Variants in RBM47 observed in about 807,000 individuals in gnomAD.
RBM47 encodes the protein RNA binding motif protein 47.
In RBM47, 21 loss-of-function variants were observed where a neutral mutation model predicts 47.1. That is an observed-to-expected ratio of 0.45 (90% CI 0.32 to 0.64). The LOEUF is 0.64. Ranked by LOEUF, RBM47 falls within the 30% of genes least tolerant of loss-of-function variation. The pLI is 0.05. For missense variants in RBM47, 708 were observed against 870.9 expected (o/e 0.81, Z 2.35); for synonymous variants, 375 against 361.7 (o/e 1.04, Z -0.42).
chr4:40,436,932 C>G (rs1560356559), intron 4 of RBM47: 5 of 504,138 alleles, frequency 9.9e-6, no homozygotes, highest in East Asian at 5.0e-5. Context: ...CCACCACCCC[C>G]TCCCCCCCGC....
chr4:40,569,717 A>ATT, intron 1 of RBM47, among the ~76,000 whole-genome samples: 1 of 88,830 alleles, frequency 1.1e-5, no homozygotes, highest in East Asian at 3.2e-4. Context: ...CTCTATTCTC[A>ATT]TTTTTTTTTT....
chr4:40,488,315 G>C (rs892991127), intron 2 of RBM47, among the ~76,000 whole-genome samples: 2 of 120,640 alleles, frequency 1.7e-5, no homozygotes, highest in African/African-American at 6.3e-5. Flanking sequence ...AGGTGACAGA[G>C]CGAGACTCTG....
chr4:40,529,445 G>A (rs771294995), intron 2 of RBM47, among the ~76,000 whole-genome samples: 3 of 146,736 alleles, frequency 2.0e-5, no homozygotes, highest in Non-Finnish European at 3.0e-5. Context: ...GAACCTGGGA[G>A]GCAGAAGCTG....
At chr4:40,626,796 T>C (rs978128257) in intron 1 of RBM47, among the ~76,000 whole-genome samples, 13 of 152,046 alleles carry the variant, frequency 8.6e-5, no homozygotes, top group Non-Finnish European at 1.8e-4. Context: ...CTCAGGAGTT[T>C]TACCAACAGG....
At chr4:40,531,927 C>T (rs1290266806) in intron 2 of RBM47, among the ~76,000 whole-genome samples, 1 of 151,706 alleles carries the variant, frequency 6.6e-6, no homozygotes, top group Admixed American at 6.6e-5. Context: ...CTTCCAAAGA[C>T]AGGAGTTCTA....
chr4:40,530,592 G>A (rs368080461), intron 2 of RBM47, among the ~76,000 whole-genome samples: 46 of 152,286 alleles, frequency 3.0e-4, no homozygotes, highest in African/African-American at 9.1e-4. Flanking sequence ...GAAGCACCGC[G>A]TCCAGCCCTA....
At chr4:40,580,853 A>G (rs1732826347) in intron 1 of RBM47, among the ~76,000 whole-genome samples, 4 of 152,256 alleles carry the variant, frequency 2.6e-5, no homozygotes, top group Admixed American at 2.6e-4. Context: ...TGAGAGAGAG[A>G]AGGCCACTCT....
At chr4:40,605,539 AC>A (rs1735682494) in intron 1 of RBM47, among the ~76,000 whole-genome samples, 1 of 152,030 alleles carries the variant, frequency 6.6e-6, no homozygotes. Flanking sequence ...TTAGAAAAAT[AC>A]TGGTCTTCGG....
At chr4:40,570,393 A>C (rs2154268595) in intron 1 of RBM47, among the ~76,000 whole-genome samples, 2 of 151,898 alleles carry the variant, frequency 1.3e-5, no homozygotes, top group Admixed American at 1.3e-4. Flanking sequence ...TTCTCATATG[A>C]AGCCTGCAAC....
chr4:40,519,390 C>T (rs983638304), intron 2 of RBM47, among the ~76,000 whole-genome samples: 5 of 150,674 alleles, frequency 3.3e-5, no homozygotes, highest in Admixed American at 1.3e-4. Context: ...CTCTGCCTCC[C>T]GGGTTCAAGC....
intron 2 of RBM47, among the ~76,000 whole-genome samples, chr4:40,492,220 CAT>C (rs1721979685): frequency 1.3e-5 from 2 of 151,846 alleles, no homozygotes; most frequent in Non-Finnish European, 2.9e-5. Context: ...AATACAAAAA[CAT>C]AGCCAGGCCT....
chr4:40,605,170 C>A (rs536283830), intron 1 of RBM47, among the ~76,000 whole-genome samples: 1 of 150,298 alleles, frequency 6.7e-6, no homozygotes, highest in African/African-American at 2.4e-5. Flanking sequence ...TTACAGGCAC[C>A]CGCCACCGCG....
At position 40,564,984 on chromosome 4, in the gene RBM47, T is replaced by C. The variant is rs192600650; in HGVS notation, c.-239-20478A>G. ...TAGAAGGAGGGCTCTCTTGTGTGTGTCTTGAATAGGTCCGGAAGTGAACGT... is the reference window on the plus strand; with the variant it reads ...TAGAAGGAGGGCTCTCTTGTGTGTGCCTTGAATAGGTCCGGAAGTGAACGT... On this transcript the variant is annotated intron_variant, in intron 1 of 6. Transcript: ENST00000295971. Among the ~76,000 whole-genome samples the C allele has an allele frequency of 4.9e-3, 742 of 152,274 alleles. 6 individuals are homozygous for C. The highest frequency in any genetic ancestry group is 5.5e-3 in the Non-Finnish European group (376 of 68,022).
At chr4:40,454,959 G>GTTA (rs1161690923) in intron 3 of RBM47, among the ~76,000 whole-genome samples, 1 of 151,968 alleles carries the variant, frequency 6.6e-6, no homozygotes, top group Non-Finnish European at 1.5e-5. Context: ...AATAGCCAGT[G>GTTA]TTAACAGGAT....
intron 1 of RBM47, among the ~76,000 whole-genome samples, chr4:40,571,465 C>T (rs1047351617): frequency 1.3e-5 from 2 of 151,832 alleles, no homozygotes; most frequent in African/African-American, 2.4e-5. Context: ...CTGAGTAAAT[C>T]AAATATTGAA....
chr4:40,527,054 T>C (rs7658681), intron 2 of RBM47, among the ~76,000 whole-genome samples: 54,729 of 151,936 alleles, frequency 0.36, 11,797 homozygotes, highest in African/African-American at 0.61. Context: ...GAATTTAATC[T>C]GGAAATGCTA....
Position 40,432,818 on chromosome 4 carries a change from C to T in RBM47, c.1375G>A (p.Ala459Thr). 6.2e-7 allele frequency: 1 copy of T among 1,613,808 alleles called. No homozygotes were observed. The highest frequency in any genetic ancestry group is 8.5e-7 in the Non-Finnish European group (1 of 1,179,958). The change falls in exon 6 of 7, where the codon GCT (alanine) becomes ACT (threonine). Residue 459 changes from alanine to threonine, a missense_variant. Coordinates refer to ENST00000295971, the MANE Select transcript of RBM47 (RefSeq NM_001098634.2). ...IGAQYSMFPA[A>T]PAPKMIEDGK... Reference sequence around the variant, plus strand: ...TCTTCAATCATTTTAGGGGCTGGAGCTGCTGGAAACATGGAATACTGAGCC... The same window carrying T: ...TCTTCAATCATTTTAGGGGCTGGAGTTGCTGGAAACATGGAATACTGAGCC...
chr4:40,549,113 G>T (rs887080215), intron 1 of RBM47, among the ~76,000 whole-genome samples: 1 of 142,576 alleles, frequency 7.0e-6, no homozygotes, highest in Non-Finnish European at 1.5e-5. Context: ...TTTTTTTGGG[G>T]GGGGGGACAC....
chr4:40,511,456 A>G (rs1724917694), intron 2 of RBM47, among the ~76,000 whole-genome samples: 1 of 152,254 alleles, frequency 6.6e-6, no homozygotes, highest in Non-Finnish European at 1.5e-5. Context: ...TGCCTAATAC[A>G]GCCAACCTGA....
Sources: allele counts gnomAD v4.1 joint callset (sites outside exome capture counted in the v4.1 genomes callset), GRCh38; gene constraint gnomAD v4.1.1; transcripts MANE v1.5; gene names NCBI Gene and HGNC (gene_info 2026-07-23, HGNC 2026-07-21).